The following ZC3H12B variants were observed in gnomAD, a reference collection of about 807,000 sequenced individuals.
The protein encoded by ZC3H12B is probable ribonuclease ZC3H12B.
In ZC3H12B, 7 loss-of-function variants were observed where a neutral mutation model predicts 43.9. That is an observed-to-expected ratio of 0.16 (90% CI 0.09 to 0.30). ZC3H12B has a LOEUF of 0.30. Ranked by LOEUF, ZC3H12B falls within the 10% of genes least tolerant of loss-of-function variation. The pLI, the probability that ZC3H12B is intolerant of heterozygous loss-of-function variation, is 1.00. For missense variants in ZC3H12B, 475 were observed against 670.2 expected (o/e 0.71, Z 3.22); for synonymous variants, 222 against 241.7 (o/e 0.92, Z 0.76).
chrX:65,195,443 CA>C, the ZC3H12B span, among the ~76,000 whole-genome samples: 1 of 111,833 alleles, frequency 8.9e-6, no homozygotes, highest in Non-Finnish European at 1.9e-5. Context: ...GCGAAGAGAA[CA>C]CTAATAAAAA....
At chrX:65,379,142 A>C (rs1177867526) in intron 2 of ZC3H12B, among the ~76,000 whole-genome samples, 1 of 111,653 alleles carries the variant, frequency 9.0e-6, no homozygotes, top group Non-Finnish European at 1.9e-5. Context: ...TGTAGGCTCC[A>C]CCTCTGGGGG....
chrX:65,083,277 G>C, the ZC3H12B span, among the ~76,000 whole-genome samples: 1 of 111,451 alleles, frequency 9.0e-6, no homozygotes, highest in African/African-American at 3.3e-5. Flanking sequence ...TGAGACAAGA[G>C]AAAGATATAA....
At chrX:65,448,972 A>AAAG (rs2148140193) in intron 3 of ZC3H12B, among the ~76,000 whole-genome samples, 1 of 91,829 alleles carries the variant, frequency 1.1e-5, no homozygotes, top group African/African-American at 5.9e-5. Context: ...AGAAAGAAAG[A>AAAG]AAGAAAGAGA....
chrX:65,496,352 T>C (rs2068281811), intron 1 of ZC3H12B, among the ~76,000 whole-genome samples: 1 of 112,179 alleles, frequency 8.9e-6, no homozygotes, highest in East Asian at 2.8e-4. Context: ...GCTTAATATA[T>C]ATGTGCTTAA....
the ZC3H12B span, among the ~76,000 whole-genome samples, chrX:65,348,621 G>A: frequency 3.9e-5 from 4 of 102,509 alleles, no homozygotes; most frequent in East Asian, 9.2e-4. Flanking sequence ...GAGACCCATC[G>A]ACATGCAAAG....
chrX:65,385,523 T>C (rs868424341), intron 2 of ZC3H12B, among the ~76,000 whole-genome samples: 1 of 112,397 alleles, frequency 8.9e-6, no homozygotes, highest in Admixed American at 9.5e-5. Flanking sequence ...TTGCTGAAGT[T>C]GCATATCAGC....
chrX:65,489,453 T>C, intron 1 of ZC3H12B, 44 bp downstream of exon 6: 3 of 1,140,170 alleles, frequency 2.6e-6, no homozygotes, highest in African/African-American at 1.8e-5. Context: ...AAAACTGCCC[T>C]GAGCTCATAG....
chrX:65,244,741 A>G, the ZC3H12B span, among the ~76,000 whole-genome samples: 2 of 108,009 alleles, frequency 1.9e-5, no homozygotes, highest in Non-Finnish European at 3.8e-5. Context: ...AAAAAAAAAA[A>G]AAAAAAAAAA....
the ZC3H12B span, among the ~76,000 whole-genome samples, chrX:65,353,765 G>A: frequency 1.8e-5 from 2 of 111,417 alleles, no homozygotes; most frequent in Non-Finnish European, 3.8e-5. Context: ...TGGGACACTC[G>A]AGCTTGGTGT....
the ZC3H12B span, among the ~76,000 whole-genome samples, chrX:65,196,859 CAG>C: frequency 3.6e-5 from 4 of 111,650 alleles, no homozygotes; most frequent in Non-Finnish European, 5.6e-5. Flanking sequence ...GGAAAAAAGA[CAG>C]AGGATATGCT....
At chrX:65,358,052 C>A in the ZC3H12B span, among the ~76,000 whole-genome samples, 5 of 108,673 alleles carry the variant, frequency 4.6e-5, no homozygotes, top group African/African-American at 1.7e-4. Flanking sequence ...CAATCCTAGT[C>A]TCTGATAAAG....
the ZC3H12B span, among the ~76,000 whole-genome samples, chrX:65,205,873 C>G: frequency 2.7e-5 from 3 of 111,991 alleles, no homozygotes; most frequent in Non-Finnish European, 5.6e-5. Flanking sequence ...TCTACACCAA[C>G]AGCAACCAAG....
intron 2 of ZC3H12B, among the ~76,000 whole-genome samples, chrX:65,382,706 A>G (rs2066460728): frequency 9.0e-6 from 1 of 111,729 alleles, no homozygotes; most frequent in Non-Finnish European, 1.9e-5. Context: ...AGAAAACCCC[A>G]TCATCTCAGC....
chrX:65,506,864 G>T (rs949866964), exon 5 of ZC3H12B: 10 of 110,726 alleles, frequency 9.0e-5, no homozygotes, highest in African/African-American at 3.0e-4. Flanking sequence ...AAGGTGCCAG[G>T]TATGGGAGAA....
the ZC3H12B span, among the ~76,000 whole-genome samples, chrX:65,158,987 A>C: frequency 8.9e-6 from 1 of 112,175 alleles, no homozygotes; most frequent in Non-Finnish European, 1.9e-5. Flanking sequence ...ACCTTTCTAC[A>C]TATGGCTAGC....
the ZC3H12B span, among the ~76,000 whole-genome samples, chrX:65,244,261 C>G: frequency 3.6e-5 from 4 of 110,111 alleles, no homozygotes; most frequent in East Asian, 1.1e-3. Context: ...TATTATGTAT[C>G]CATAACAGTT....
At chrX:65,069,074 G>A in the ZC3H12B span, among the ~76,000 whole-genome samples, 3 of 109,182 alleles carry the variant, frequency 2.7e-5, no homozygotes, top group Non-Finnish European at 5.7e-5. Context: ...TTTGATCTTT[G>A]GGAGTTTGAT....
the ZC3H12B span, among the ~76,000 whole-genome samples, chrX:65,129,703 G>A: frequency 4.5e-5 from 5 of 111,072 alleles, no homozygotes; most frequent in Non-Finnish European, 5.7e-5. Context: ...CTGTCTTCTT[G>A]TATTAATAAG....
the ZC3H12B span, among the ~76,000 whole-genome samples, chrX:65,077,052 G>T: frequency 8.9e-6 from 1 of 111,846 alleles, no homozygotes; most frequent in Non-Finnish European, 1.9e-5. Context: ...ATTTTAGCAA[G>T]TAATGATCCT....
Sources: allele counts gnomAD v4.1 joint callset (sites outside exome capture counted in the v4.1 genomes callset), GRCh38; gene constraint gnomAD v4.1.1; transcripts MANE v1.5; gene names NCBI Gene and HGNC (gene_info 2026-07-23, HGNC 2026-07-21).